The following CHAT variants were observed in gnomAD, a reference collection of about 807,000 sequenced individuals.
The protein encoded by CHAT is choline O-acetyltransferase, also known as acetyl CoA:choline O-acetyltransferase.
CHAT carries 61 observed loss-of-function variants against 76.9 expected under a neutral mutation model. The observed-to-expected ratio is 0.79, with a 90% CI of 0.65 to 0.98. The LOEUF (loss-of-function observed/expected upper bound fraction) is 0.98, where lower values mean the gene tolerates loss of function less well. Among genes scored for constraint, CHAT ranks in the 50% least tolerant of loss-of-function variants. The probability of loss-of-function intolerance (pLI) is 0.00; values close to 1 mark genes in which losing one functional copy is unlikely to be tolerated. For synonymous variants in CHAT, 407 were observed against 397.4 expected (o/e 1.02, Z -0.29); for missense variants, 946 against 986.9 (o/e 0.96, Z 0.56).
At chr10:49,655,033 T>A in intron 11 of CHAT, 62 bp from the exon 12 acceptor site, 1 of 1,593,550 alleles carries the variant, frequency 6.3e-7, no homozygotes, top group Non-Finnish European at 8.6e-7. Flanking sequence ...AATTTTTCTT[T>A]CCGAGTTTAT....
intron 4 of CHAT, among the ~76,000 whole-genome samples, chr10:49,621,725 C>T (rs1020413446): frequency 3.3e-5 from 5 of 152,200 alleles, no homozygotes; most frequent in African/African-American, 9.7e-5. Flanking sequence ...CCGTCTCCCT[C>T]TCTGCTCCCT....
chr10:49,616,392 G>C, intron 1 of CHAT, 110 bp from the exon 2 acceptor site: 1 of 849,250 alleles, frequency 1.2e-6, no homozygotes, highest in Non-Finnish European at 2.0e-6. Flanking sequence ...CAGCTGTCAG[G>C]CTCTGGCCTC....
chr10:49,646,540 C>G lies in CHAT; in HGVS notation c.1147C>G (p.Arg383Gly). The G allele has an allele frequency of 6.2e-7, 1 of 1,614,230 alleles. No homozygotes were observed. Among genetic ancestry groups the G allele is most frequent in the Non-Finnish European group, 8.5e-7 (1 of 1,180,036 alleles). ...TNRDSLDMIERCICLVCLDAP... is the reference protein window; with the variant it reads ...TNRDSLDMIEGCICLVCLDAP... ...CCGGGACTCGCTGGACATGATTGAG[C>G]GCTGCATCTGCCTTGTATGCCTGGA... is the stretch of plus-strand genomic sequence containing the variant. Residue 383 changes from arginine (R) to glycine (G), a missense_variant, in exon 8 of 15, where the codon CGC becomes GGC. By Grantham distance (125) the Arg-to-Gly change is moderately radical (BLOSUM62 -2). Transcript: ENST00000337653.
chr10:49,612,282 G>T, upstream of CHAT: 1 of 1,611,714 alleles, frequency 6.2e-7, no homozygotes. Flanking sequence ...CTCGCAGCCC[G>T]CCTGGCCCTT....
At chr10:49,631,008 A>T (rs1839100724) in intron 7 of CHAT, among the ~76,000 whole-genome samples, 1 of 152,212 alleles carries the variant, frequency 6.6e-6, no homozygotes, top group Non-Finnish European at 1.5e-5. Context: ...TGAAGGTTCA[A>T]AGTGATACAT....
chr10:49,658,941 T>C (rs1472464048), intron 13 of CHAT, among the ~76,000 whole-genome samples: 3 of 152,054 alleles, frequency 2.0e-5, no homozygotes, highest in Middle Eastern at 3.4e-3. Flanking sequence ...CCCCAAAATA[T>C]CAACACAATA....
At chr10:49,647,033 G>C (rs566286738) in intron 8 of CHAT, 1 of 360,552 alleles carries the variant, frequency 2.8e-6, no homozygotes, top group Non-Finnish European at 5.3e-6. Flanking sequence ...AGGAGTAGGA[G>C]AGTATAACAG....
At chr10:49,650,353 C>T (rs941495517) in intron 10 of CHAT, among the ~76,000 whole-genome samples, 2 of 152,236 alleles carry the variant, frequency 1.3e-5, no homozygotes, top group South Asian at 4.1e-4. Flanking sequence ...ACATGTGATA[C>T]AGTAAGATTA....
upstream of CHAT, chr10:49,613,999 G>T: frequency 9.4e-7 from 1 of 1,058,694 alleles, no homozygotes; most frequent in Non-Finnish European, 1.4e-6. Flanking sequence ...AGCACCCCAA[G>T]GCTGGAATAA....
upstream of CHAT, chr10:49,611,422 G>A (rs1391546879): frequency 6.3e-7 from 1 of 1,597,714 alleles, no homozygotes; most frequent in African/African-American, 1.3e-5. Flanking sequence ...AAGCCTAGTG[G>A]CCCCGCCCTT....
chr10:49,656,046 C>A (rs938596620), intron 13 of CHAT, among the ~76,000 whole-genome samples: 8 of 152,182 alleles, frequency 5.3e-5, no homozygotes, highest in Non-Finnish European at 7.3e-5. Flanking sequence ...GGCGGCTCAT[C>A]AATACCTGCA....
rs10580502 is a variant in CHAT, at chr10:49,648,726, TACACAC to T, written c.1382+146_1382+151del. 6,394 of 575,570 alleles carry T rather than the reference TACACAC, an allele frequency of 0.011. 176 individuals carry two copies. Among genetic ancestry groups the T allele is most frequent in the African/African-American group, 0.088 (4,675 of 53,148 alleles). 35.7% of individuals were successfully genotyped at this position (575,570 alleles called of 1,614,324 possible). A position where few individuals can be genotyped will look rare whatever the true frequency, so the allele number is the denominator to read the frequency against. On this transcript the variant is annotated intron_variant, in intron 9 of 14. Transcript: ENST00000337653. ...ATGAATTTGAAAAAAATGTGTACTA[TACACAC>T]ACACACACACACACACACACACACA... is the stretch of plus-strand genomic sequence containing the variant.
At position 49,648,600 on chromosome 10, in the gene CHAT, A is replaced by G. The variant is rs769398642; in HGVS notation, c.1375A>G (p.Lys459Glu). The G allele has an allele frequency of 1.1e-5, 18 of 1,610,848 alleles. No individual in the cohort carries two copies. In the Admixed American group the frequency reaches 3.0e-4, roughly 27 times the overall value. Residue 459 changes from lysine to glutamate, a missense_variant, in exon 9 of 15, where the codon AAG becomes GAG. Lys to Glu is a moderately conservative substitution (Grantham distance 56). Around this residue, in one of 3 missense-constraint regions of CHAT, gnomAD observed 349 missense variants for 393.9 expected, o/e 0.89. Transcript: ENST00000337653. The part of the protein sequence containing the change: ...VLVQCTEHLL[K>E]HVTQSSRKLI... ...GGTGCAGTGCACTGAGCATCTGCTC[A>G]AGCACGTGTGAGTCTGGATCCCAGG...
At chr10:49,617,493 G>A (rs919804757) in intron 2 of CHAT, among the ~76,000 whole-genome samples, 1 of 152,234 alleles carries the variant, frequency 6.6e-6, no homozygotes, top group Non-Finnish European at 1.5e-5. Context: ...AGGGCCAGAA[G>A]TCCAGGAGAG....
At chr10:49,651,376 A>G (rs1839871742) in intron 10 of CHAT, among the ~76,000 whole-genome samples, 1 of 151,720 alleles carries the variant, frequency 6.6e-6, no homozygotes, top group African/African-American at 2.4e-5. Flanking sequence ...CACTCAGGCT[A>G]TGCGCTCTCC....
intron 2 of CHAT, among the ~76,000 whole-genome samples, chr10:49,617,442 A>T (rs1445296160): frequency 2.0e-5 from 3 of 152,220 alleles, no homozygotes; most frequent in Non-Finnish European, 4.4e-5. Flanking sequence ...GTTTTGGAGC[A>T]TTGATCTGAG....
At chr10:49,644,220 G>T (rs538713239) in intron 7 of CHAT, among the ~76,000 whole-genome samples, 2 of 152,202 alleles carry the variant, frequency 1.3e-5, no homozygotes, top group African/African-American at 4.8e-5. Context: ...CCTGCGTGAT[G>T]ATGAGGAGAT....
At chr10:49,659,727 T>C (rs1840134294) in intron 13 of CHAT, among the ~76,000 whole-genome samples, 1 of 152,128 alleles carries the variant, frequency 6.6e-6, no homozygotes, top group East Asian at 1.9e-4. Context: ...CCAGGTGTGG[T>C]GGCACATACC....
chr10:49,622,029 G>C, intron 4 of CHAT, 68 bp from the exon 5 acceptor site: 1 of 1,549,524 alleles, frequency 6.5e-7, no homozygotes, highest in Non-Finnish European at 8.9e-7. Flanking sequence ...AGGGGAGGCA[G>C]AAGGGAGGGA....
Sources: allele counts gnomAD v4.1 joint callset (sites outside exome capture counted in the v4.1 genomes callset), GRCh38; gene constraint gnomAD v4.1.1; regional missense constraint gnomAD v4.1.1; transcripts MANE v1.5; gene names NCBI Gene and HGNC (gene_info 2026-07-23, HGNC 2026-07-21).